ATP8A2: variants seen among roughly 807,000 people sequenced by gnomAD.
ATP8A2 encodes phospholipid-transporting ATPase IB.
Under a neutral mutation model 165.6 loss-of-function variants are expected in ATP8A2, and 100 were observed. That is an observed-to-expected ratio of 0.60 (90% CI 0.51 to 0.71). The LOEUF (loss-of-function observed/expected upper bound fraction) is 0.71, where lower values mean the gene tolerates loss of function less well. ATP8A2 is among the 30% of genes least tolerant of loss of function. The pLI, the probability that ATP8A2 is intolerant of heterozygous loss-of-function variation, is 0.00. For missense variants in ATP8A2, 1,227 were observed against 1,479.5 expected (o/e 0.83, Z 2.80); for synonymous variants, 543 against 548.8 (o/e 0.99, Z 0.15).
At chr13:25,512,866 A>T (rs1452422096) in intron 2 of ATP8A2, among the ~76,000 whole-genome samples, 1 of 129,960 alleles carries the variant, frequency 7.7e-6, no homozygotes, top group African/African-American at 3.0e-5. Flanking sequence ...GGCCAGGCAG[A>T]GGCGCCCCTC....
At chr13:25,524,396 A>G (rs1279340347) in intron 2 of ATP8A2, among the ~76,000 whole-genome samples, 1 of 152,132 alleles carries the variant, frequency 6.6e-6, no homozygotes, top group East Asian at 1.9e-4. Context: ...TATACAATTT[A>G]ACTCCAGTGT....
chr13:26,019,846 A>G lies in ATP8A2; in HGVS notation c.3470-42A>G, dbSNP rs758311929. On this transcript the variant is annotated intron_variant, in intron 36 of 36. Coordinates refer to ENST00000381655, the MANE Select transcript of ATP8A2 (RefSeq NM_016529.6). ...ATTTTAAACCTAGTGTGCTCCCCCA[A>G]TTCTCCTGTTAACCAGTTTCTCCTG... 38 of 1,454,598 alleles carry G rather than the reference A, an allele frequency of 2.6e-5. 1 individual carries two copies. The highest frequency in any genetic ancestry group is 3.5e-5 in the Non-Finnish European group (36 of 1,035,870). The allele number at this position is 1,454,598 out of a possible 1,614,324, so 90.1% of individuals were successfully genotyped here.
chr13:25,824,983 A>G (rs1374277837), intron 27 of ATP8A2, among the ~76,000 whole-genome samples: 1 of 151,554 alleles, frequency 6.6e-6, no homozygotes, highest in Non-Finnish European at 1.5e-5. Context: ...TGTTTCACCT[A>G]TTTCTTTGAA....
intron 25 of ATP8A2, among the ~76,000 whole-genome samples, chr13:25,731,313 G>A (rs931707917): frequency 6.3e-4 from 69 of 108,924 alleles, no homozygotes; most frequent in African/African-American, 2.3e-3. Flanking sequence ...AGAAAAGACC[G>A]GAAGGAGAGA....
At chr13:25,697,351 C>T (rs1451203567) in intron 24 of ATP8A2, among the ~76,000 whole-genome samples, 1 of 152,206 alleles carries the variant, frequency 6.6e-6, no homozygotes, top group Non-Finnish European at 1.5e-5. Flanking sequence ...GCAATCTCGG[C>T]TCACTGCAAC....
chr13:25,639,140 G>T (rs2041448604), intron 24 of ATP8A2, among the ~76,000 whole-genome samples: 1 of 152,028 alleles, frequency 6.6e-6, no homozygotes, highest in African/African-American at 2.4e-5. Context: ...ACCAGCCACT[G>T]CAAAAACATG....
intron 24 of ATP8A2, among the ~76,000 whole-genome samples, chr13:25,676,266 T>A (rs759308892): frequency 2.0e-4 from 30 of 152,190 alleles, no homozygotes; most frequent in Non-Finnish European, 1.6e-4. Flanking sequence ...TTCACAGGCA[T>A]TTGGGGAAGA....
chr13:25,449,549 C>G (rs1489090347), intron 1 of ATP8A2, among the ~76,000 whole-genome samples: 2 of 152,142 alleles, frequency 1.3e-5, no homozygotes, highest in East Asian at 1.9e-4. Context: ...GGAGTGTTCC[C>G]TAAGTGTCAG....
In ATP8A2 at chr13:25,705,448, G is replaced by A. The variant is rs192536739; in HGVS notation, c.2384+6103G>A. ...AGATGGAGTGGAAGGAAAACACCGC[G>A]GCAGGGATTTCCACGGGATGTGCAA... is the stretch of plus-strand genomic sequence containing the variant. On this transcript the variant is annotated intron_variant, in intron 25 of 36. Transcript: ENST00000381655. 1.6e-3 allele frequency: 261 copies of A among 163,762 alleles called. 1 individual carries two copies. The highest frequency in any genetic ancestry group is 2.8e-3 in the Non-Finnish European group (209 of 75,798). 10.1% of individuals were successfully genotyped at this position (163,762 alleles called of 1,614,324 possible).
At chr13:25,593,062 C>T (rs76338053) in intron 24 of ATP8A2, among the ~76,000 whole-genome samples, 1 of 152,182 alleles carries the variant, frequency 6.6e-6, no homozygotes, top group Non-Finnish European at 1.5e-5. Context: ...TCTCCTCCCT[C>T]TCATGCTTTA....
chr13:25,635,822 G>A (rs1240612530), intron 24 of ATP8A2, among the ~76,000 whole-genome samples: 1 of 152,208 alleles, frequency 6.6e-6, no homozygotes, highest in Non-Finnish European at 1.5e-5. Context: ...GGAAAAGCTG[G>A]ACCTTTGTCC....
At chr13:25,948,959 G>A (rs768538581) in intron 33 of ATP8A2, among the ~76,000 whole-genome samples, 1 of 152,196 alleles carries the variant, frequency 6.6e-6, no homozygotes, top group Non-Finnish European at 1.5e-5. Flanking sequence ...TAGCTCCTTG[G>A]CCTTGCAAGA....
intron 25 of ATP8A2, among the ~76,000 whole-genome samples, chr13:25,712,802 C>T (rs1338650030): frequency 1.3e-5 from 2 of 152,058 alleles, no homozygotes; most frequent in Non-Finnish European, 2.9e-5. Flanking sequence ...GTCGGAAAGT[C>T]GGGTAGGGAT....
chr13:25,700,136 A>G (rs1477318637), intron 25 of ATP8A2, among the ~76,000 whole-genome samples: 2 of 152,154 alleles, frequency 1.3e-5, no homozygotes, highest in African/African-American at 2.4e-5. Context: ...AGTCTGTTGT[A>G]CCTTTAAGTC....
At chr13:25,674,662 A>G (rs925766744) in intron 24 of ATP8A2, among the ~76,000 whole-genome samples, 4 of 152,198 alleles carry the variant, frequency 2.6e-5, no homozygotes, top group African/African-American at 9.7e-5. Flanking sequence ...ATGCAATTGA[A>G]ACATTGAGGG....
At chr13:25,887,375 G>T (rs1953190937) in intron 33 of ATP8A2, among the ~76,000 whole-genome samples, 1 of 151,282 alleles carries the variant, frequency 6.6e-6, no homozygotes, top group Non-Finnish European at 1.5e-5. Flanking sequence ...TTTTGCTGTT[G>T]TTGCCCAGAC....
chr13:25,672,272 G>A (rs2042282411), intron 24 of ATP8A2, among the ~76,000 whole-genome samples: 2 of 152,136 alleles, frequency 1.3e-5, no homozygotes, highest in African/African-American at 4.8e-5. Context: ...AGATGCCCAA[G>A]GATGTTCTGA....
intron 16 of ATP8A2, among the ~76,000 whole-genome samples, chr13:25,566,011 A>T (rs1171391808): frequency 6.6e-6 from 1 of 152,296 alleles, no homozygotes; most frequent in African/African-American, 2.4e-5. Context: ...GCAAAATTAA[A>T]AGTTTATCTT....
At chr13:25,986,486 C>T (rs116999943) in intron 35 of ATP8A2, among the ~76,000 whole-genome samples, 2,609 of 152,338 alleles carry the variant, frequency 0.017, 33 homozygotes, top group Non-Finnish European at 0.029. Flanking sequence ...TGGCTTATTT[C>T]ACCTAATGTG....
Sources: gnomAD v4.1 joint callset for allele counts (sites outside exome capture counted in the v4.1 genomes callset) on GRCh38, gnomAD v4.1.1 for gene constraint, MANE v1.5 for transcripts, NCBI Gene and HGNC (gene_info 2026-07-23, HGNC 2026-07-21) for gene names.